AGL: variants seen among roughly 807,000 people sequenced by gnomAD.
AGL encodes amylo-alpha-1,6-glucosidase and 4-alpha-glucanotransferase.
In AGL, 128 loss-of-function variants were observed where a neutral mutation model predicts 199.3. The observed-to-expected ratio is 0.64, with a 90% CI of 0.56 to 0.74. The LOEUF (loss-of-function observed/expected upper bound fraction) is 0.74, where lower values mean the gene tolerates loss of function less well. Ranked by LOEUF, AGL falls within the 30% of genes least tolerant of loss-of-function variation. AGL has a pLI of 0.00. For missense variants in AGL, 1,809 were observed against 1,820.8 expected (o/e 0.99, Z 0.12); for synonymous variants, 584 against 594.7 (o/e 0.98, Z 0.26).
rs1328440937 is a variant in AGL at position 99,916,591 on chromosome 1, T to C, written c.4348-7T>C. On this transcript the variant is annotated splice_polypyrimidine_tract_variant and splice_region_variant and intron_variant, in intron 32 of 33. Coordinates refer to ENST00000361915, the MANE Select transcript of AGL (RefSeq NM_000642.3). The stretch of plus-strand genomic sequence containing the variant: ...GTTTTTTTTGTCTTTTAAATAATCT[T>C]TTTTAGGAGTGGCTGTGGCCTATTG... 6.2e-6 allele frequency: 10 copies of C among 1,612,868 alleles called. No homozygotes were observed. The highest frequency in any genetic ancestry group is 7.6e-6 in the Non-Finnish European group (9 of 1,179,386).
At chr1:99,863,100 T>G (rs1650199469) in intron 4 of AGL, among the ~76,000 whole-genome samples, 1 of 151,806 alleles carries the variant, frequency 6.6e-6, no homozygotes, top group South Asian at 2.1e-4. Context: ...CCACCATGCC[T>G]CACTAATTTT....
At chr1:99,913,212 C>G (rs1011381388) in intron 29 of AGL, among the ~76,000 whole-genome samples, 1 of 149,616 alleles carries the variant, frequency 6.7e-6, no homozygotes, top group African/African-American at 2.5e-5. Flanking sequence ...CAATACCAGA[C>G]GCTGTCTTAA....
chr1:99,900,896 T>TG (rs201868494), intron 26 of AGL, 35 bp downstream of exon 26: 17 of 1,522,898 alleles, frequency 1.1e-5, no homozygotes, highest in Non-Finnish European at 1.5e-5. Context: ...TTTTGTTTTT[T>TG]TTTTTTTTTC....
At position 99,861,491 on chromosome 1, in the gene AGL, C is replaced by T. The variant is rs765587352; in HGVS notation, c.83-12C>T. 2 of 1,613,416 alleles carry T rather than the reference C, an allele frequency of 1.2e-6. No homozygotes were observed. Among genetic ancestry groups the T allele is most frequent in the East Asian group, 2.2e-5 (1 of 44,842 alleles). On this transcript the variant is annotated splice_polypyrimidine_tract_variant and intron_variant, in intron 2 of 33. Transcript: ENST00000361915. ...CCTACGATGAGTTTATTAACATGTG[C>T]TTTTTATTTAGGGTATGAGCTACAG...
upstream of AGL, among the ~76,000 whole-genome samples, chr1:99,849,503 C>T (rs1480345377): frequency 6.6e-6 from 1 of 151,832 alleles, no homozygotes; most frequent in African/African-American, 2.4e-5. Context: ...CAGACGATCT[C>T]CGGGTCTATC....
chr1:99,912,346 T>G, intron 28 of AGL, 59 bp from the exon 29 acceptor site: 1 of 1,324,146 alleles, frequency 7.6e-7, no homozygotes, highest in Non-Finnish European at 1.1e-6. Flanking sequence ...CCGAATGCCC[T>G]TTAAATAGTA....
intron 2 of AGL, among the ~76,000 whole-genome samples, chr1:99,855,432 A>G (rs896324632): frequency 6.6e-6 from 1 of 152,202 alleles, no homozygotes; most frequent in African/African-American, 2.4e-5. Context: ...AACAAGTACA[A>G]GAATAAATAA....
chr1:99,914,727 C>T (rs545910147), intron 30 of AGL, among the ~76,000 whole-genome samples: 2 of 152,196 alleles, frequency 1.3e-5, no homozygotes, highest in Non-Finnish European at 2.9e-5. Flanking sequence ...CAATGGGTAT[C>T]AGATGTACTT....
At chr1:99,861,405 A>G in intron 2 of AGL, 98 bp from the exon 3 acceptor site, 1 of 1,570,310 alleles carries the variant, frequency 6.4e-7, no homozygotes, top group East Asian at 2.3e-5. Flanking sequence ...ACATAATTGA[A>G]AAATCAAGGT....
chr1:99,886,341 T>C (rs547850782), intron 20 of AGL, among the ~76,000 whole-genome samples: 2 of 152,248 alleles, frequency 1.3e-5, no homozygotes, highest in East Asian at 1.9e-4. Flanking sequence ...TAGCTGGAAG[T>C]TGTGGCATGC....
intron 2 of AGL, among the ~76,000 whole-genome samples, chr1:99,857,704 C>T (rs1003184349): frequency 1.3e-4 from 19 of 141,422 alleles, no homozygotes; most frequent in African/African-American, 4.1e-4. Context: ...CGCAGGCACT[C>T]GGCAGGCTGA....
At chr1:99,903,200 A>ATATG (rs2100826387) in intron 27 of AGL, among the ~76,000 whole-genome samples, 1 of 152,254 alleles carries the variant, frequency 6.6e-6, no homozygotes, top group Admixed American at 6.5e-5. Context: ...GGTTTGTTAC[A>ATATG]TATGTATACA....
chr1:99,861,675 G>T lies in AGL; in HGVS notation c.255G>T (p.Leu85=), dbSNP rs983460815. The part of the protein sequence containing the change: ...DDSDKYCKLN[L]QQSGSFQYYF... Reference sequence around the variant, plus strand: ...CTGATAAATACTGTAAACTTAATCTGCAACAATCTGGTTCATTTCAGTATT... The same window carrying T: ...CTGATAAATACTGTAAACTTAATCTTCAACAATCTGGTTCATTTCAGTATT... Residue 85 remains leucine, a synonymous_variant, in exon 3 of 34, where the codon CTG becomes CTT. Transcript: ENST00000361915. The T allele has an allele frequency of 9.9e-6, 16 of 1,613,676 alleles. No individual in the cohort carries two copies. Among genetic ancestry groups the T allele is most frequent in the East Asian group, 2.2e-5 (1 of 44,816 alleles).
intron 20 of AGL, among the ~76,000 whole-genome samples, chr1:99,887,277 G>A (rs748450763): frequency 2.6e-4 from 40 of 152,204 alleles, no homozygotes; most frequent in Non-Finnish European, 5.6e-4. Context: ...GTATTCAGGT[G>A]TGGTCAGTTA....
chr1:99,882,378 CACAAACATACAT>C (rs1185048492), intron 17 of AGL, among the ~76,000 whole-genome samples: 1 of 152,000 alleles, frequency 6.6e-6, no homozygotes, highest in Non-Finnish European at 1.5e-5. Flanking sequence ...TGTATATATG[CACAAACATACAT>C]ACAAACATGC....
chr1:99,903,471 T>C (rs970312793), intron 27 of AGL, among the ~76,000 whole-genome samples: 2 of 152,240 alleles, frequency 1.3e-5, no homozygotes, highest in Non-Finnish European at 2.9e-5. Flanking sequence ...GAACTCATCC[T>C]TTTTTATGGC....
chr1:99,880,759 T>G lies in AGL; in HGVS notation c.1863T>G (p.Phe621Leu). The G allele has an allele frequency of 3.1e-6, 5 of 1,614,026 alleles. No individual in the cohort carries two copies. Among genetic ancestry groups the G allele is most frequent in the Non-Finnish European group, 4.2e-6 (5 of 1,179,952 alleles). ...PLMPAIAHAL[F>L]MDITHDNECP... The stretch of plus-strand genomic sequence containing the variant: ...TGCCAGCTATTGCACATGCCCTGTT[T>G]ATGGATATTACGCATGATAATGAGT... The change falls in exon 14 of 34, where the codon TTT becomes TTG. Residue 621 changes from phenylalanine (F) to leucine (L), a missense_variant. Physicochemically the swap from Phe to Leu is conservative, Grantham distance 22. Coordinates refer to ENST00000361915, the MANE Select transcript of AGL (RefSeq NM_000642.3).
chr1:99,891,304 T>C lies in AGL; in HGVS notation c.2897T>C (p.Met966Thr), dbSNP rs377540254. The change falls in exon 22 of 34, where the codon ATG (methionine) becomes ACG (threonine). Residue 966 changes from methionine (M) to threonine (T), a missense_variant. Transcript: ENST00000361915. Reference sequence around the variant, plus strand: ...AATAATTTGAGATCTGGAGATTGGATGATTGACTATGTCAGTAACCGGCTT... The same window carrying C: ...AATAATTTGAGATCTGGAGATTGGACGATTGACTATGTCAGTAACCGGCTT... ...FCNNLRSGDW[M>T]IDYVSNRLIS... is the part of the protein sequence containing the mutation. 5 of 1,613,710 alleles carry C rather than the reference T, an allele frequency of 3.1e-6. No homozygotes were observed. Among genetic ancestry groups the C allele is most frequent in the African/African-American group, 2.7e-5 (2 of 74,906 alleles).
chr1:99,872,618 TC>T, intron 7 of AGL, among the ~76,000 whole-genome samples: 1 of 151,992 alleles, frequency 6.6e-6, no homozygotes, highest in South Asian at 2.1e-4. Flanking sequence ...AACCTCTGCC[TC>T]CCAGGTTCAA....
Sources: gnomAD v4.1 joint callset for allele counts (sites outside exome capture counted in the v4.1 genomes callset) on GRCh38, gnomAD v4.1.1 for gene constraint, MANE v1.5 for transcripts, NCBI Gene and HGNC (gene_info 2026-07-23, HGNC 2026-07-21) for gene names.